The following PDE5A variants were observed in gnomAD, a reference collection of about 807,000 sequenced individuals.
PDE5A encodes the protein phosphodiesterase 5A.
PDE5A carries 67 observed loss-of-function variants against 110.2 expected under a neutral mutation model. That is an observed-to-expected ratio of 0.61 (90% CI 0.50 to 0.75). The LOEUF is 0.75. Ranked by LOEUF, PDE5A falls within the 30% of genes least tolerant of loss-of-function variation. PDE5A has a pLI of 0.00. For missense variants in PDE5A, 862 were observed against 1,045.1 expected (o/e 0.82, Z 2.42); for synonymous variants, 328 against 351.2 (o/e 0.93, Z 0.74).
At chr4:119,573,230 T>A (rs757448088) in intron 3 of PDE5A, among the ~76,000 whole-genome samples, 14 of 152,244 alleles carry the variant, frequency 9.2e-5, no homozygotes, top group South Asian at 2.1e-4. Context: ...TTTCTTCTTG[T>A]GCACATGTGC....
chr4:119,529,582 C>A (rs1365326968), intron 11 of PDE5A, among the ~76,000 whole-genome samples: 2 of 152,156 alleles, frequency 1.3e-5, no homozygotes, highest in Non-Finnish European at 2.9e-5. Flanking sequence ...CTGCAGCTTG[C>A]AGTTCTGCTA....
At position 119,627,308 on chromosome 4, in the gene PDE5A, T is replaced by C; in HGVS notation, c.152+1212A>G. 7.9e-7 allele frequency: 1 copy of C among 1,266,414 alleles called. No individual in the cohort carries two copies. The highest frequency in any genetic ancestry group is 1.0e-6 in the Non-Finnish European group (1 of 991,808). 78.4% of individuals were successfully genotyped at this position (1,266,414 alleles called of 1,614,324 possible). On this transcript the variant is annotated intron_variant, in intron 1 of 20. Coordinates refer to ENST00000354960, the MANE Select transcript of PDE5A (RefSeq NM_001083.4). The surrounding 1 kb of genome is among the most constrained non-coding windows in gnomAD (Gnocchi z 4.6). ...AACCAGCTCCCTCACGGCCCCGGCC[T>C]CCGCGCCGCCGCCCGTCGCCTCCCG...
chr4:119,536,546 T>G (rs1726731366), intron 11 of PDE5A, among the ~76,000 whole-genome samples: 1 of 152,174 alleles, frequency 6.6e-6, no homozygotes, highest in African/African-American at 2.4e-5. Flanking sequence ...TCAAATACTG[T>G]CATCAACATA....
chr4:119,532,979 G>T (rs1053442737), intron 11 of PDE5A, among the ~76,000 whole-genome samples: 1 of 152,130 alleles, frequency 6.6e-6, no homozygotes, highest in Non-Finnish European at 1.5e-5. Flanking sequence ...GCTAAGAAAA[G>T]AAAAGGCTCT....
chr4:119,505,746 T>G (rs1429065340), intron 17 of PDE5A, 109 bp downstream of exon 17: 28 of 651,664 alleles, frequency 4.3e-5, no homozygotes, highest in Non-Finnish European at 6.4e-5. Flanking sequence ...GCTTTTAAGA[T>G]CATCATATTG....
chr4:119,619,062 A>G (rs1357799923), intron 1 of PDE5A, among the ~76,000 whole-genome samples: 1 of 152,178 alleles, frequency 6.6e-6, no homozygotes, highest in African/African-American at 2.4e-5. Flanking sequence ...AATCACTAAT[A>G]CCAGCATTGC....
chr4:119,536,215 T>G (rs550292143), intron 11 of PDE5A, among the ~76,000 whole-genome samples: 1 of 152,322 alleles, frequency 6.6e-6, no homozygotes, highest in South Asian at 2.1e-4. Flanking sequence ...AAAATAATTT[T>G]CAGATTTTTC....
rs761239684 is a variant in PDE5A, at chr4:119,498,631, A to C, written c.2598T>G (p.Asn866Lys). ...TCCGCTTGGCCTGGCCGCTTTCCCC[A>C]TTAATCAGCATCTTCTCCTGCTGTT... Reference protein sequence around the residue: ...LAEQQEKMLINGESGQAKRN With the variant: ...LAEQQEKMLIKGESGQAKRN Residue 866 changes from asparagine (N) to lysine (K), a missense_variant, in exon 21 of 21, where the codon AAT becomes AAG. Coordinates refer to ENST00000354960, the MANE Select transcript of PDE5A (RefSeq NM_001083.4). 2 of 1,613,892 alleles carry C rather than the reference A, an allele frequency of 1.2e-6. No homozygotes were observed. The highest frequency in any genetic ancestry group is 2.7e-5 in the African/African-American group (2 of 74,908).
chr4:119,624,906 C>G (rs1230481897), intron 1 of PDE5A, among the ~76,000 whole-genome samples: 1 of 152,142 alleles, frequency 6.6e-6, no homozygotes, highest in Non-Finnish European at 1.5e-5. Flanking sequence ...GATTTATTGG[C>G]CTCAAATTAA....
intron 3 of PDE5A, among the ~76,000 whole-genome samples, chr4:119,574,837 G>A (rs1265713842): frequency 6.6e-6 from 1 of 152,210 alleles, no homozygotes; most frequent in Non-Finnish European, 1.5e-5. Flanking sequence ...CTAATTTGTG[G>A]TTATAGATAT....
intron 18 of PDE5A, among the ~76,000 whole-genome samples, chr4:119,503,734 T>TAAGTA (rs1347635858): frequency 1.3e-5 from 2 of 152,112 alleles, no homozygotes; most frequent in Non-Finnish European, 2.9e-5. Context: ...GTTTTTGCAT[T>TAAGTA]AAGTATGCTC....
chr4:119,501,583 G>A (rs35264119), intron 19 of PDE5A, among the ~76,000 whole-genome samples: 21,645 of 152,192 alleles, frequency 0.14, 1,707 homozygotes, highest in Middle Eastern at 0.19. Flanking sequence ...ACAGGCATGA[G>A]CCATTGTGTG....
chr4:119,502,696 T>TG, intron 18 of PDE5A, 41 bp from the exon 19 acceptor site: 3 of 1,289,048 alleles, frequency 2.3e-6, no homozygotes, highest in South Asian at 1.2e-5. Flanking sequence ...ATGAAAAGCA[T>TG]ATCATTCTTT....
chr4:119,576,887 A>G (rs1728372507), intron 3 of PDE5A, among the ~76,000 whole-genome samples: 2 of 152,224 alleles, frequency 1.3e-5, no homozygotes, highest in Admixed American at 1.3e-4. Flanking sequence ...CAAAAAATCA[A>G]TGAATCCAGG....
Position 119,594,955 on chromosome 4 carries a change from T to C in PDE5A, c.831+1568A>G, listed in dbSNP as rs538809463. Among the ~76,000 whole-genome samples, 140 of 152,328 alleles carry C rather than the reference T, an allele frequency of 9.2e-4. 2 individuals carry two copies. In the South Asian group the frequency reaches 0.028, roughly 31 times the overall value. On this transcript the variant is annotated intron_variant, in intron 3 of 20. Transcript: ENST00000354960. ...GTGATTCCTATGCACAACACAGTTT[T>C]AGAAGCACTGATTTAGAAAGCTGTG...
At chr4:119,585,007 G>C (rs563387558) in intron 3 of PDE5A, among the ~76,000 whole-genome samples, 1 of 152,298 alleles carries the variant, frequency 6.6e-6, no homozygotes, top group African/African-American at 2.4e-5. Flanking sequence ...CGGGTGCGGT[G>C]GCTCACGCCT....
At chr4:119,584,989 G>A (rs1728709112) in intron 3 of PDE5A, among the ~76,000 whole-genome samples, 1 of 152,142 alleles carries the variant, frequency 6.6e-6, no homozygotes, top group Non-Finnish European at 1.5e-5. Context: ...TATTTTAAAA[G>A]TCTTGGCCGG....
At chr4:119,545,741 G>A (rs551117163) in intron 9 of PDE5A, among the ~76,000 whole-genome samples, 69 of 152,250 alleles carry the variant, frequency 4.5e-4, no homozygotes, top group African/African-American at 1.6e-3. Context: ...ACCAACCACA[G>A]TCTTCCTCCT....
At chr4:119,584,746 G>C (rs1270575573) in intron 3 of PDE5A, among the ~76,000 whole-genome samples, 1 of 152,122 alleles carries the variant, frequency 6.6e-6, no homozygotes, top group Admixed American at 6.6e-5. Context: ...CTGTCTACCT[G>C]TCTGACCTCA....
Sources: allele counts gnomAD v4.1 joint callset (sites outside exome capture counted in the v4.1 genomes callset), GRCh38; gene constraint gnomAD v4.1.1; non-coding constraint Gnocchi (gnomAD v3.1); transcripts MANE v1.5; gene names NCBI Gene and HGNC (gene_info 2026-07-23, HGNC 2026-07-21).